The following UNC79 variants were observed in gnomAD, a reference collection of about 807,000 sequenced individuals.
UNC79 encodes the protein protein unc-79 homolog.
UNC79 carries 37 observed loss-of-function variants against 283.1 expected under a neutral mutation model. The observed-to-expected ratio is 0.13, with a 90% CI of 0.10 to 0.17. The LOEUF is 0.17. UNC79 is among the 10% of genes least tolerant of loss of function. The probability of loss-of-function intolerance (pLI) is 1.00; values close to 1 mark genes in which losing one functional copy is unlikely to be tolerated. For missense variants in UNC79, 2,272 were observed against 3,211.1 expected, an observed-to-expected ratio of 0.71 and a Z score of 7.07; for synonymous variants, 1,107 against 1,200.2, an observed-to-expected ratio of 0.92 and a Z score of 1.61.
intron 39 of UNC79, 42 bp downstream of exon 42, chr14:93,659,303 T>C: frequency 1.3e-6 from 2 of 1,496,168 alleles, no homozygotes; most frequent in Non-Finnish European, 1.8e-6. Context: ...GGTTAGTCAG[T>C]TTTTTTTAAC....
chr14:93,366,401 G>A (rs901137079), intron 1 of UNC79, among the ~76,000 whole-genome samples: 41 of 152,082 alleles, frequency 2.7e-4, no homozygotes, highest in African/African-American at 9.7e-4. Flanking sequence ...ATCATTGCTG[G>A]AGATGATGTC....
At chr14:93,546,369 CACT>C (rs1435996409) in intron 14 of UNC79, among the ~76,000 whole-genome samples, 1 of 152,204 alleles carries the variant, frequency 6.6e-6, no homozygotes, top group Non-Finnish European at 1.5e-5. Context: ...CGATCTCCTC[CACT>C]GTCATTATTT....
intron 1 of UNC79, among the ~76,000 whole-genome samples, chr14:93,340,682 C>A (rs114775603): frequency 2.6e-5 from 4 of 151,812 alleles, no homozygotes; most frequent in African/African-American, 9.7e-5. Context: ...GATGATTCTC[C>A]CAACTCAGCC....
intron 20 of UNC79, among the ~76,000 whole-genome samples, chr14:93,585,883 CTTTT>C (rs1233052037): frequency 1.4e-5 from 2 of 138,232 alleles, no homozygotes. Flanking sequence ...CTCTCTCTCT[CTTTT>C]TTTTTTTTTT....
At chr14:93,541,218 G>A (rs1227423636) in intron 13 of UNC79, among the ~76,000 whole-genome samples, 1 of 152,140 alleles carries the variant, frequency 6.6e-6, no homozygotes, top group Non-Finnish European at 1.5e-5. Flanking sequence ...CATCACCTAT[G>A]TAGATGAAAT....
intron 5 of UNC79, among the ~76,000 whole-genome samples, chr14:93,491,650 G>T (rs899790159): frequency 2.0e-5 from 3 of 152,128 alleles, no homozygotes; most frequent in Non-Finnish European, 4.4e-5. Flanking sequence ...GATTTAATGG[G>T]TTACATATAT....
chr14:93,444,038 G>A (rs369334110), intron 1 of UNC79, among the ~76,000 whole-genome samples: 15 of 152,280 alleles, frequency 9.9e-5, no homozygotes, highest in Admixed American at 3.9e-4. Flanking sequence ...TTGCAAAGTG[G>A]CTGTAAGGTT....
At chr14:93,559,315 C>G (rs750674651) in intron 14 of UNC79, among the ~76,000 whole-genome samples, 4 of 152,188 alleles carry the variant, frequency 2.6e-5, no homozygotes, top group Non-Finnish European at 5.9e-5. Flanking sequence ...CTTCAACGGC[C>G]AAGACTCAGT....
intron 1 of UNC79, chr14:93,464,473 A>G (rs2057081228): frequency 2.2e-6 from 1 of 454,890 alleles, no homozygotes; most frequent in Admixed American, 2.4e-5. Flanking sequence ...CACCACGGAA[A>G]CGGCCTCATT....
At chr14:93,491,195 A>G (rs1286657364) in intron 5 of UNC79, among the ~76,000 whole-genome samples, 1 of 152,142 alleles carries the variant, frequency 6.6e-6, no homozygotes, top group African/African-American at 2.4e-5. Context: ...TCCTAATACC[A>G]TCACATTAGG....
At chr14:93,641,002 G>T in intron 32 of UNC79, 143 bp from the exon 36 acceptor site, 1 of 530,566 alleles carries the variant, frequency 1.9e-6, no homozygotes, top group Non-Finnish European at 3.3e-6. Flanking sequence ...CATGATTGAG[G>T]GCTTTCTGCA....
intron 26 of UNC79, among the ~76,000 whole-genome samples, chr14:93,605,813 G>C (rs2065846094): frequency 6.6e-6 from 1 of 152,046 alleles, no homozygotes; most frequent in Non-Finnish European, 1.5e-5. Flanking sequence ...GAAGTGGGAG[G>C]GGAGAGAGAA....
At chr14:93,567,144 G>A (rs1240489769) in intron 14 of UNC79, among the ~76,000 whole-genome samples, 1 of 152,164 alleles carries the variant, frequency 6.6e-6, no homozygotes, top group African/African-American at 2.4e-5. Flanking sequence ...GTCAAATGTA[G>A]CCAACTGTTG....
chr14:93,454,472 T>TG, intron 1 of UNC79, among the ~76,000 whole-genome samples: 1 of 152,080 alleles, frequency 6.6e-6, no homozygotes, highest in Non-Finnish European at 1.5e-5. Context: ...AAATGTGCAG[T>TG]GGGGGTCACA....
intron 47 of UNC79, among the ~76,000 whole-genome samples, chr14:93,699,011 C>T (rs1438018346): frequency 6.6e-6 from 1 of 152,138 alleles, no homozygotes; most frequent in Admixed American, 6.5e-5. Flanking sequence ...TTTCTTTTGA[C>T]TAATGATAGG....
At chr14:93,543,180 C>T (rs1340774919) in intron 14 of UNC79, among the ~76,000 whole-genome samples, 1 of 147,456 alleles carries the variant, frequency 6.8e-6, no homozygotes, top group East Asian at 2.2e-4. Context: ...GGGGAAATGT[C>T]TTTTTTTCTT....
intron 7 of UNC79, among the ~76,000 whole-genome samples, chr14:93,520,333 A>T (rs938087549): frequency 3.5e-4 from 52 of 150,412 alleles, no homozygotes; most frequent in South Asian, 4.2e-4. Flanking sequence ...TATTTTTAAG[A>T]TTTTCTTCTT....
At chr14:93,640,809 G>A (rs565661544) in intron 32 of UNC79, among the ~76,000 whole-genome samples, 1 of 152,268 alleles carries the variant, frequency 6.6e-6, no homozygotes, top group East Asian at 1.9e-4. Context: ...AATAAGAATT[G>A]TAGCTCTTTT....
At chr14:93,656,112 C>A (rs895571615) in intron 38 of UNC79, among the ~76,000 whole-genome samples, 1 of 152,204 alleles carries the variant, frequency 6.6e-6, no homozygotes, top group Non-Finnish European at 1.5e-5. Flanking sequence ...CTGAGGTTTT[C>A]TGACTCACAG....
Sources: gnomAD v4.1 joint callset for allele counts (sites outside exome capture counted in the v4.1 genomes callset) on GRCh38, gnomAD v4.1.1 for gene constraint, MANE v1.5 for transcripts, NCBI Gene and HGNC (gene_info 2026-07-23, HGNC 2026-07-21) for gene names.